INPP4A: variants seen among roughly 807,000 people sequenced by gnomAD.
INPP4A encodes inositol polyphosphate-4-phosphatase, type I, 107kD.
In INPP4A, 33 loss-of-function variants were observed where a neutral mutation model predicts 119.8. That is an observed-to-expected ratio of 0.28 (90% CI 0.21 to 0.37). INPP4A has a LOEUF of 0.37. INPP4A is among the 10% of genes least tolerant of loss of function. INPP4A has a pLI of 1.00. For synonymous variants in INPP4A, 496 were observed against 500.7 expected (o/e 0.99, Z 0.12); for missense variants, 956 against 1,289.9 (o/e 0.74, Z 3.97).
At chr2:98,497,684 T>TTCCA (rs1558948914) in intron 1 of INPP4A, among the ~76,000 whole-genome samples, 2 of 151,968 alleles carry the variant, frequency 1.3e-5, no homozygotes, top group Admixed American at 6.6e-5. Flanking sequence ...AAATATTTTC[T>TTCCA]TCTGATTTTG....
chr2:98,463,339 T>C (rs1674006494), intron 1 of INPP4A, among the ~76,000 whole-genome samples: 1 of 152,190 alleles, frequency 6.6e-6, no homozygotes, highest in African/African-American at 2.4e-5. Flanking sequence ...ACACAGTGCT[T>C]GTGTGGAAGT....
At chr2:98,532,401 T>A (rs921905854) in intron 4 of INPP4A, among the ~76,000 whole-genome samples, 7 of 152,240 alleles carry the variant, frequency 4.6e-5, no homozygotes, top group African/African-American at 1.7e-4. Context: ...TCTATTTTAT[T>A]TTAAAATTGC....
Position 98,537,956 on chromosome 2 carries a change from G to C in INPP4A, c.561G>C (p.Val187=). 6.2e-7 allele frequency: 1 copy of C among 1,610,070 alleles called. No individual in the cohort carries two copies. The highest frequency in any genetic ancestry group is 8.5e-7 in the Non-Finnish European group (1 of 1,177,540). The change falls in exon 8 of 25, where the codon GTG becomes GTC. Residue 187 remains valine, a synonymous_variant. Coordinates refer to ENST00000409851, the MANE Select transcript of INPP4A (RefSeq NM_001134225.2). ...SDQRPPVTRS[V]DTVNGRMVLP... is the part of the protein sequence containing the mutation. ...AACGGCCCCCTGTGACCCGGTCTGT[G>C]GACACTGTCAATGGGAGGGTGAGTT...
intron 13 of INPP4A, among the ~76,000 whole-genome samples, chr2:98,547,349 C>T (rs1286874158): frequency 6.6e-6 from 1 of 152,164 alleles, no homozygotes; most frequent in Admixed American, 6.5e-5. Flanking sequence ...GACAAGTCAG[C>T]AAGCACCATT....
intron 13 of INPP4A, among the ~76,000 whole-genome samples, chr2:98,551,180 T>A (rs1236118120): frequency 6.6e-6 from 1 of 152,174 alleles, no homozygotes. Context: ...GATCTTGAAC[T>A]CCCAGGCTCA....
intron 4 of INPP4A, among the ~76,000 whole-genome samples, chr2:98,532,327 T>C (rs979639830): frequency 6.6e-6 from 1 of 152,252 alleles, no homozygotes; most frequent in African/African-American, 2.4e-5. Flanking sequence ...CTGAATTTCC[T>C]GTGCATTTGT....
At chr2:98,578,313 G>A (rs1308996772) in intron 24 of INPP4A, among the ~76,000 whole-genome samples, 1 of 152,186 alleles carries the variant, frequency 6.6e-6, no homozygotes. Flanking sequence ...TTAGCTGCAC[G>A]GTGGTGGGAG....
chr2:98,477,524 A>G (rs1677498106), intron 1 of INPP4A, among the ~76,000 whole-genome samples: 1 of 152,266 alleles, frequency 6.6e-6, no homozygotes, highest in African/African-American at 2.4e-5. Context: ...AGGATGAACC[A>G]GAGCCTCAAT....
chr2:98,563,688 A>G, intron 18 of INPP4A, 51 bp downstream of exon 18: 1 of 1,583,588 alleles, frequency 6.3e-7, no homozygotes, highest in Non-Finnish European at 8.6e-7. Context: ...CTCAGCTCAG[A>G]AAAGACAGGC....
At position 98,546,265 on chromosome 2, in the gene INPP4A, TC is replaced by T. The variant is rs1390724499; in HGVS notation, c.1054+193del. 2.6e-5 allele frequency among the ~76,000 whole-genome samples: 4 copies of T among 152,224 alleles called. No homozygotes were observed. The highest frequency in any genetic ancestry group is 2.6e-4 in the Admixed American group (4 of 15,286). ...ACCCCTTCCTTTTGTCTCTCCTCAC[TC>T]TAGCTTCCCTTTGTATTTCTGCAGT... On this transcript the variant is annotated intron_variant, in intron 12 of 24. Transcript: ENST00000409851. The surrounding 1 kb of genome is among the most constrained non-coding windows in gnomAD (Gnocchi z 4.2).
At chr2:98,471,656 A>C (rs1359210159) in intron 1 of INPP4A, among the ~76,000 whole-genome samples, 1 of 151,896 alleles carries the variant, frequency 6.6e-6, no homozygotes, top group Non-Finnish European at 1.5e-5. Context: ...TGAAGTGCTT[A>C]GACTGGCTGT....
At position 98,589,843 on chromosome 2, in the gene INPP4A, TA is replaced by T; in HGVS notation, c.*2240del. On this transcript the variant is annotated 3_prime_UTR_variant, in exon 25 of 25. Transcript: ENST00000409851. ...GTGTTCCTTATGATGCCTCCCCATTTAAAAAGAAAAGAGATCTATGGAAAAC... is the reference window on the plus strand; with the variant it reads ...GTGTTCCTTATGATGCCTCCCCATTTAAAAGAAAAGAGATCTATGGAAAAC... 5.2e-6 allele frequency: 1 copy of T among 191,054 alleles called. No individual in the cohort carries two copies. Among genetic ancestry groups the T allele is most frequent in the African/African-American group, 2.3e-5 (1 of 43,000 alleles). The allele number at this position is 191,054 out of a possible 1,614,324, so 11.8% of individuals were successfully genotyped here.
chr2:98,537,751 C>A, intron 7 of INPP4A, 112 bp from the exon 8 acceptor site: 1 of 745,124 alleles, frequency 1.3e-6, no homozygotes, highest in South Asian at 1.6e-5. Flanking sequence ...TCAGTCAGCT[C>A]GGCCCTGCTG....
chr2:98,507,572 A>T (rs1266782378), intron 1 of INPP4A, among the ~76,000 whole-genome samples: 1 of 151,778 alleles, frequency 6.6e-6, no homozygotes, highest in Non-Finnish European at 1.5e-5. Context: ...CTACAACGTG[A>T]CCCCCACCCC....
chr2:98,549,080 TG>T (rs1693012442), intron 13 of INPP4A: 1 of 930,656 alleles, frequency 1.1e-6, no homozygotes, highest in Admixed American at 2.5e-5. Flanking sequence ...GGTGCTGCCA[TG>T]GTTCCTAGTT....
chr2:98,528,342 T>C (rs1417269726), intron 4 of INPP4A, among the ~76,000 whole-genome samples: 1 of 152,176 alleles, frequency 6.6e-6, no homozygotes, highest in Non-Finnish European at 1.5e-5. Context: ...CAATTGAGAT[T>C]ATCCAGTCTG....
Position 98,538,997 on chromosome 2 carries a change from C to T in INPP4A, c.670+16C>T, listed in dbSNP as rs931796190. ...CTGAAATCGGGTAAACAGCTTCCTC[C>T]TTTGGTATTCTTGCCTCTCTAGTGA... On this transcript the variant is annotated intron_variant, in intron 9 of 24. Coordinates refer to ENST00000409851, the MANE Select transcript of INPP4A (RefSeq NM_001134225.2). 1 of 1,523,232 alleles carries T rather than the reference C, an allele frequency of 6.6e-7. No homozygotes were observed. Among genetic ancestry groups the T allele is most frequent in the Non-Finnish European group, 9.1e-7 (1 of 1,104,470 alleles). The allele number at this position is 1,523,232 out of a possible 1,614,324, so 94.4% of individuals were successfully genotyped here.
intron 24 of INPP4A, among the ~76,000 whole-genome samples, chr2:98,580,912 T>C (rs572256205): frequency 3.3e-5 from 5 of 152,348 alleles, no homozygotes; most frequent in African/African-American, 1.2e-4. Flanking sequence ...TGTGGTATTG[T>C]TTGGATTCCA....
At chr2:98,504,859 T>C (rs756652915) in intron 1 of INPP4A, among the ~76,000 whole-genome samples, 3 of 152,210 alleles carry the variant, frequency 2.0e-5, no homozygotes, top group Non-Finnish European at 4.4e-5. Flanking sequence ...AAGGAAATGA[T>C]GTGTGTGGTG....
Sources: gnomAD v4.1 joint callset for allele counts (sites outside exome capture counted in the v4.1 genomes callset) on GRCh38, gnomAD v4.1.1 for gene constraint, Gnocchi (gnomAD v3.1) non-coding constraint, MANE v1.5 for transcripts, NCBI Gene and HGNC (gene_info 2026-07-23, HGNC 2026-07-21) for gene names.